Variants in SETD4 observed in about 807,000 individuals in gnomAD.
SETD4 encodes the protein SET domain-containing protein 4.
In SETD4, 46 loss-of-function variants were observed where a neutral mutation model predicts 58.3. That is an observed-to-expected ratio of 0.79 (90% CI 0.62 to 1.01). SETD4 has a LOEUF of 1.01. Ranked by LOEUF, SETD4 falls within the 50% of genes least tolerant of loss-of-function variation. SETD4 has a pLI of 0.00. For synonymous variants in SETD4, 190 were observed against 202.6 expected (o/e 0.94, Z 0.53); for missense variants, 490 against 523.3 (o/e 0.94, Z 0.62).
rs2065238079 is a variant in SETD4 at position 36,060,479 on chromosome 21, TG to T, written c.-170del. ...AACTGCAGAGGGAGAGGCTGAAGGCTGTCGCGCCTGCCTGGTGTCCTTAAGC... is the reference window on the plus strand; with the variant it reads ...AACTGCAGAGGGAGAGGCTGAAGGCTTCGCGCCTGCCTGGTGTCCTTAAGC... On this transcript the variant is annotated 5_prime_UTR_variant, in exon 1 of 12. Transcript: ENST00000332131. 1 of 152,462 alleles carries T rather than the reference TG, an allele frequency of 6.6e-6. No individual in the cohort carries two copies. Among genetic ancestry groups the T allele is most frequent in the Non-Finnish European group, 1.5e-5 (1 of 68,222 alleles). The allele number at this position is 152,462 out of a possible 1,614,324, so 9.4% of individuals were successfully genotyped here. A position where few individuals can be genotyped will look rare whatever the true frequency, so the allele number is the denominator to read the frequency against.
intron 5 of SETD4, among the ~76,000 whole-genome samples, chr21:36,046,830 C>G (rs996471349): frequency 4.6e-5 from 7 of 152,202 alleles, no homozygotes; most frequent in Admixed American, 2.6e-4. Flanking sequence ...ACATTCTACT[C>G]AAAATTTCAG....
chr21:36,057,435 A>G, intron 2 of SETD4: 1 of 687,972 alleles, frequency 1.5e-6, no homozygotes, highest in Non-Finnish European at 2.7e-6. Context: ...GCTTGAGGCC[A>G]GGAGTTTGAG....
chr21:36,047,632 A>G (rs1414631022), intron 5 of SETD4, among the ~76,000 whole-genome samples: 2 of 151,984 alleles, frequency 1.3e-5, no homozygotes, highest in Non-Finnish European at 2.9e-5. Flanking sequence ...ATGGATCGGG[A>G]TATCATACCC....
intron 5 of SETD4, 72 bp downstream of exon 5, chr21:36,048,236 G>T: frequency 8.5e-7 from 1 of 1,171,474 alleles, no homozygotes; most frequent in Non-Finnish European, 1.3e-6. Flanking sequence ...TGTGTCTCAA[G>T]TGACATATTT....
chr21:36,039,575 AGACACTGCAGGAATGGGCCAG>A (rs1356067540), intron 9 of SETD4, among the ~76,000 whole-genome samples: 21 of 152,356 alleles, frequency 1.4e-4, no homozygotes, highest in African/African-American at 4.8e-4. Flanking sequence ...AGAAAAGACA[AGACACTGCAGGAATGGGCCAG>A]TGCGAAACCG....
intron 6 of SETD4, 151 bp from the exon 7 acceptor site, chr21:36,044,107 G>T: frequency 1.0e-6 from 1 of 999,440 alleles, no homozygotes; most frequent in Non-Finnish European, 1.4e-6. Context: ...GCCACTTCCG[G>T]TTTCATCCAC....
At chr21:36,037,333 A>T (rs1247785342) in intron 10 of SETD4, among the ~76,000 whole-genome samples, 1 of 152,182 alleles carries the variant, frequency 6.6e-6, no homozygotes, top group Non-Finnish European at 1.5e-5. Flanking sequence ...GGCCAGGTGC[A>T]GTGGCTCATG....
chr21:36,055,801 C>T (rs2064957928), intron 3 of SETD4, among the ~76,000 whole-genome samples: 1 of 152,172 alleles, frequency 6.6e-6, no homozygotes, highest in Non-Finnish European at 1.5e-5. Flanking sequence ...CTCCAAATTA[C>T]AAACAGATGA....
Position 36,058,929 on chromosome 21 carries a change from T to C in SETD4, c.-36-5A>G. The C allele has an allele frequency of 6.5e-7, 1 of 1,548,004 alleles. No homozygotes were observed. Among genetic ancestry groups the C allele is most frequent in the South Asian group, 1.3e-5 (1 of 79,386 alleles). ...TCTTTTTTCTGAAATACAGTTCTAT[T>C]TTTTCAAAAAGGACAAAACTGTAAT... On this transcript the variant is annotated splice_polypyrimidine_tract_variant and splice_region_variant and intron_variant, in intron 1 of 11. Transcript: ENST00000332131.
chr21:36,036,091 A>T lies in SETD4; in HGVS notation c.*26T>A, dbSNP rs373548966. ...ATGTGTGACTAACACCCACCAGAGGAGGTGACCAAATGCGCTTCGGTGAAA... is the reference window on the plus strand; with the variant it reads ...ATGTGTGACTAACACCCACCAGAGGTGGTGACCAAATGCGCTTCGGTGAAA... On this transcript the variant is annotated 3_prime_UTR_variant, in exon 11 of 12. Transcript: ENST00000332131. The T allele has an allele frequency of 2.1e-4, 335 of 1,614,146 alleles. No homozygotes were observed. The African/African-American group carries it at 3.4e-3, about 16-fold the overall frequency.
Position 36,057,214 on chromosome 21 carries a change from A to T in SETD4, c.74-10T>A, listed in dbSNP as rs1375014552. The T allele has an allele frequency of 1.2e-6, 2 of 1,605,322 alleles. No individual in the cohort carries two copies. The highest frequency in any genetic ancestry group is 2.2e-5 in the South Asian group (2 of 90,932). ...TTGTGGCTCTCATTCACTATCAGGC[A>T]AGGAGAGAACAAATGGTGATTAAAA... On this transcript the variant is annotated splice_polypyrimidine_tract_variant and intron_variant, in intron 2 of 11. Coordinates refer to ENST00000332131, the MANE Select transcript of SETD4 (RefSeq NM_017438.5).
chr21:36,038,595 G>A (rs536618920), intron 9 of SETD4, among the ~76,000 whole-genome samples: 100 of 152,336 alleles, frequency 6.6e-4, no homozygotes, highest in Admixed American at 2.7e-3. Context: ...CCATGGGAAC[G>A]AAGCCAGTGA....
At chr21:36,038,012 A>C in intron 10 of SETD4, 138 bp downstream of exon 10, 5 of 1,053,098 alleles carry the variant, frequency 4.7e-6, no homozygotes, top group Non-Finnish European at 6.6e-6. Flanking sequence ...AAACAAAAAT[A>C]GAGATTACAT....
At chr21:36,055,456 G>C (rs1249752450) in intron 3 of SETD4, among the ~76,000 whole-genome samples, 1 of 152,160 alleles carries the variant, frequency 6.6e-6, no homozygotes, top group African/African-American at 2.4e-5. Context: ...GACCTGGCTA[G>C]TGCTTTTGGT....
At position 36,038,147 on chromosome 21, in the gene SETD4, T is replaced by C. The variant is rs951035284; in HGVS notation, c.1188+3A>G. On this transcript the variant is annotated splice_donor_region_variant and intron_variant, in intron 10 of 11. Transcript: ENST00000332131. ...TTAAGGATGTCATATTCTAGAAACA[T>C]ACCTTTTGAAGCACAGCATTAGTCT... 1.9e-6 allele frequency: 3 copies of C among 1,609,044 alleles called. No individual in the cohort carries two copies. The highest frequency in any genetic ancestry group is 2.7e-5 in the African/African-American group (2 of 74,624).
At chr21:36,059,973 G>A (rs149562903) in intron 1 of SETD4, 6 of 985,544 alleles carry the variant, frequency 6.1e-6, no homozygotes, top group African/African-American at 1.7e-5. Context: ...TGAGGACCAC[G>A]TGAAGCCCGG....
intron 1 of SETD4, chr21:36,059,475 G>A (rs2065170306): frequency 6.5e-6 from 1 of 153,096 alleles, no homozygotes; most frequent in African/African-American, 2.4e-5. Flanking sequence ...GCGGGCTGAG[G>A]TCAGGAGTTC....
Position 36,055,120 on chromosome 21 carries a change from G to A in SETD4, c.170-1500C>T, listed in dbSNP as rs76608086. Among the ~76,000 whole-genome samples the A allele has an allele frequency of 4.1e-3, 622 of 152,296 alleles. 4 individuals are homozygous for A. Among genetic ancestry groups the A allele is most frequent in the African/African-American group, 0.014 (584 of 41,550 alleles). The stretch of plus-strand genomic sequence containing the variant: ...TCCCTGTGCTCCAGAACTCCTCCTA[G>A]AATCAATGACTAATGGGAAGATTTT... On this transcript the variant is annotated intron_variant, in intron 3 of 11. Transcript: ENST00000332131.
intron 7 of SETD4, chr21:36,043,164 G>A (rs1362886162): frequency 6.6e-6 from 1 of 152,342 alleles, no homozygotes; most frequent in Non-Finnish European, 1.5e-5. Flanking sequence ...CAGAGGCTAA[G>A]GCACAAGAAT....
Sources: allele counts gnomAD v4.1 joint callset (sites outside exome capture counted in the v4.1 genomes callset), GRCh38; gene constraint gnomAD v4.1.1; transcripts MANE v1.5; gene names NCBI Gene and HGNC (gene_info 2026-07-23, HGNC 2026-07-21).